ACO1: variants seen among roughly 807,000 people sequenced by gnomAD.
The protein encoded by ACO1 is cytoplasmic aconitate hydratase.
Under a neutral mutation model 105.1 loss-of-function variants are expected in ACO1, and 78 were observed. The observed-to-expected ratio is 0.74, with a 90% CI of 0.62 to 0.90. The LOEUF is 0.90. Ranked by LOEUF, ACO1 falls within the 40% of genes least tolerant of loss-of-function variation. The pLI is 0.00. For synonymous variants in ACO1, 364 were observed against 397.4 expected, an observed-to-expected ratio of 0.92 and a Z score of 1.00; for missense variants, 965 against 1,111.1, an observed-to-expected ratio of 0.87 and a Z score of 1.87.
At position 32,408,201 on chromosome 9, in the gene ACO1, C is replaced by A. The variant is rs1332701103; in HGVS notation, c.267-313C>A. Among the ~76,000 whole-genome samples the A allele has an allele frequency of 2.6e-5, 4 of 152,214 alleles. No homozygotes were observed. In the East Asian group the frequency reaches 7.7e-4, roughly 29 times the overall value. ...CCACCATGTGAATGGGAAGCACTCA[C>A]AGCAGTAAGAGTTCCAGAGTTGTTA... On this transcript the variant is annotated intron_variant, in intron 3 of 20. Coordinates refer to ENST00000309951, the MANE Select transcript of ACO1 (RefSeq NM_002197.3).
intron 17 of ACO1, among the ~76,000 whole-genome samples, chr9:32,435,370 C>T (rs183672244): frequency 1.5e-4 from 23 of 152,188 alleles, no homozygotes; most frequent in Admixed American, 1.4e-3. Flanking sequence ...GGCATGAACA[C>T]GTCAGAGAAT....
rs1822246166 is a variant in ACO1, at chr9:32,431,828, C to T, written c.1836C>T (p.Val612=). The change falls in exon 15 of 21, where the codon GTC becomes GTT. Residue 612 remains valine (V), a synonymous_variant. Coordinates refer to ENST00000309951, the MANE Select transcript of ACO1 (RefSeq NM_002197.3). ...QYVIPGMFKE[V]YQKIETVNES... ...TCATCCCGGGGATGTTTAAGGAAGT[C>T]TATCAGAAAATAGAGGTGAGGTCCC... is the stretch of plus-strand genomic sequence containing the variant. The T allele has an allele frequency of 6.2e-7, 1 of 1,614,044 alleles. No individual in the cohort carries two copies. The highest frequency in any genetic ancestry group is 8.5e-7 in the Non-Finnish European group (1 of 1,179,992).
At chr9:32,399,687 A>G (rs1413269496) in intron 1 of ACO1, among the ~76,000 whole-genome samples, 1 of 152,192 alleles carries the variant, frequency 6.6e-6, no homozygotes, top group East Asian at 1.9e-4. Flanking sequence ...TATCTGAAGG[A>G]TAGATTTTTA....
At chr9:32,420,807 G>A in intron 7 of ACO1, 49 bp from the exon 8 acceptor site, 5 of 1,588,112 alleles carry the variant, frequency 3.1e-6, no homozygotes, top group Non-Finnish European at 4.3e-6. Context: ...TCTGCATTTT[G>A]AATGTGGGCC....
chr9:32,433,844 TA>T lies in ACO1; in HGVS notation c.1956+13del, dbSNP rs764155893. On this transcript the variant is annotated intron_variant, in intron 16 of 20. Coordinates refer to ENST00000309951, the MANE Select transcript of ACO1 (RefSeq NM_002197.3). ...TCTTTGAAAACCTGGTATGGCTTTTTATTTTTTAACAAAATGAATTCTTTGA... is the reference window on the plus strand; with the variant it reads ...TCTTTGAAAACCTGGTATGGCTTTTTTTTTTTAACAAAATGAATTCTTTGA... 12 of 1,556,596 alleles carry T rather than the reference TA, an allele frequency of 7.7e-6. No homozygotes were observed. Among genetic ancestry groups the T allele is most frequent in the Middle Eastern group, 3.4e-4 (2 of 5,872 alleles).
At position 32,421,145 on chromosome 9, in the gene ACO1, T is replaced by C. The variant is rs1420385639; in HGVS notation, c.970+118T>C. 3.0e-5 allele frequency: 35 copies of C among 1,165,498 alleles called. 1 individual carries two copies. Among genetic ancestry groups the C allele is most frequent in the Non-Finnish European group, 3.9e-5 (32 of 830,828 alleles). The allele number at this position is 1,165,498 out of a possible 1,614,324, so 72.2% of individuals were successfully genotyped here. A position where few individuals can be genotyped will look rare whatever the true frequency, so the allele number is the denominator to read the frequency against. On this transcript the variant is annotated intron_variant, in intron 8 of 20. Coordinates refer to ENST00000309951, the MANE Select transcript of ACO1 (RefSeq NM_002197.3). ...AAGGCACTGGGTTACAGTTACACAA[T>C]TATTTTTTTCTCCATGGAGTCAAAA...
At chr9:32,388,974 A>G (rs374416354) in intron 1 of ACO1, among the ~76,000 whole-genome samples, 28 of 152,348 alleles carry the variant, frequency 1.8e-4, no homozygotes, top group East Asian at 9.6e-4. Flanking sequence ...ACTTGTATAT[A>G]TAATATTAGT....
At chr9:32,444,023 A>ATGGGTTCTCATTGTTCAACTCCCACTTAT (rs1822543177) in intron 19 of ACO1, among the ~76,000 whole-genome samples, 3 of 150,478 alleles carry the variant, frequency 2.0e-5, no homozygotes, top group African/African-American at 7.3e-5. Flanking sequence ...CCCTGTGTTC[A>ATGGGTTCTCATTGTTCAACTCCCACTTAT]TGGGTTCTCA....
At chr9:32,435,823 C>T (rs1468995216) in intron 17 of ACO1, among the ~76,000 whole-genome samples, 2 of 152,162 alleles carry the variant, frequency 1.3e-5, no homozygotes, top group African/African-American at 4.8e-5. Flanking sequence ...CTTTGTGGAA[C>T]GTATTTTGTG....
intron 8 of ACO1, 105 bp from the exon 9 acceptor site, chr9:32,423,203 TGTAAGTGCAGC>T: frequency 1.8e-6 from 1 of 567,382 alleles, no homozygotes; most frequent in East Asian, 3.4e-5. Context: ...TTGGTGTGTG[TGTAAGTGCAGC>T]GTATGTTGCG....
chr9:32,449,231 T>C (rs1822699748), intron 20 of ACO1, 150 bp downstream of exon 20: 6 of 682,440 alleles, frequency 8.8e-6, no homozygotes, highest in Non-Finnish European at 1.2e-5. Flanking sequence ...CTAGCATCTT[T>C]TCTACCTGCC....
intron 16 of ACO1, 74 bp downstream of exon 16, chr9:32,433,906 C>A: frequency 2.5e-6 from 3 of 1,202,892 alleles, no homozygotes; most frequent in East Asian, 2.4e-5. Flanking sequence ...CTTTATTACC[C>A]CATGCTCTTG....
rs773392518 is a variant in ACO1, at chr9:32,423,379, G to A, written c.1031G>A (p.Arg344Gln). 7.5e-6 allele frequency: 12 copies of A among 1,597,512 alleles called. No homozygotes were observed. Among genetic ancestry groups the A allele is most frequent in the South Asian group, 3.4e-5 (3 of 87,276 alleles). Reference protein sequence around the residue: ...KKYLQAVGMFRDFNDPSQDPD... With the variant: ...KKYLQAVGMFQDFNDPSQDPD... Reference sequence around the variant, plus strand: ...TATCTTCAGGCTGTAGGAATGTTTCGAGATTTCAATGACCCTTCTCAAGAC... The same window carrying A: ...TATCTTCAGGCTGTAGGAATGTTTCAAGATTTCAATGACCCTTCTCAAGAC... The change falls in exon 9 of 21, where the codon CGA becomes CAA. Residue 344 changes from arginine (R) to glutamine (Q), a missense_variant. Arg to Gln is a conservative substitution (Grantham distance 43). Coordinates refer to ENST00000309951, the MANE Select transcript of ACO1 (RefSeq NM_002197.3).
rs1822176985 is a variant in ACO1 at position 32,429,453 on chromosome 9, A to C, written c.1519A>C (p.Ile507Leu). The change falls in exon 13 of 21, where the codon ATT (isoleucine) becomes CTT (leucine). Residue 507 changes from isoleucine to leucine, a missense_variant. By Grantham distance (5) the Ile-to-Leu change is conservative (BLOSUM62 2). Transcript: ENST00000309951. ...GGTGGGCTATGGCTGCATGACCTGCATTGGCAACAGTGGGCCTTTACCTGA... is the reference window on the plus strand; with the variant it reads ...GGTGGGCTATGGCTGCATGACCTGCCTTGGCAACAGTGGGCCTTTACCTGA... ...DVVGYGCMTC[I>L]GNSGPLPEPV... 1.2e-6 allele frequency: 2 copies of C among 1,614,094 alleles called. No individual in the cohort carries two copies. The highest frequency in any genetic ancestry group is 2.7e-5 in the African/African-American group (2 of 74,926).
At chr9:32,430,874 G>A (rs1226377574) in intron 14 of ACO1, among the ~76,000 whole-genome samples, 4 of 152,106 alleles carry the variant, frequency 2.6e-5, no homozygotes, top group Admixed American at 1.3e-4. Context: ...GATAGGCATT[G>A]TTTCAATATA....
chr9:32,385,763 A>G (rs1821145373), intron 1 of ACO1, among the ~76,000 whole-genome samples: 1 of 152,224 alleles, frequency 6.6e-6, no homozygotes, highest in Non-Finnish European at 1.5e-5. Flanking sequence ...GTGTGAATGA[A>G]AAAAAGCAAG....
At chr9:32,434,048 A>G (rs1822299430) in intron 16 of ACO1, among the ~76,000 whole-genome samples, 1 of 152,128 alleles carries the variant, frequency 6.6e-6, no homozygotes, top group Non-Finnish European at 1.5e-5. Context: ...GTGGATGTAC[A>G]CAGCCACCCT....
Position 32,449,058 on chromosome 9 carries a change from C to A in ACO1, c.2533C>A (p.Pro845Thr). The part of the protein sequence containing the change: ...YTIIIPENLK[P>T]QMKVQVKLDT... Reference sequence around the variant, plus strand: ...TATCATTATTCCAGAAAACCTCAAACCACAAATGAAAGTCCAGGTCAAGGT... The same window carrying A: ...TATCATTATTCCAGAAAACCTCAAAACACAAATGAAAGTCCAGGTCAAGGT... The change falls in exon 20 of 21, where the codon CCA (proline) becomes ACA (threonine). Residue 845 changes from proline (P) to threonine (T), a missense_variant. Pro to Thr is a conservative substitution (Grantham distance 38). Coordinates refer to ENST00000309951, the MANE Select transcript of ACO1 (RefSeq NM_002197.3). 1 of 1,608,708 alleles carries A rather than the reference C, an allele frequency of 6.2e-7. No individual in the cohort carries two copies. The highest frequency in any genetic ancestry group is 8.5e-7 in the Non-Finnish European group (1 of 1,176,302).
chr9:32,402,032 T>C (rs1821506648), intron 1 of ACO1, among the ~76,000 whole-genome samples: 1 of 152,224 alleles, frequency 6.6e-6, no homozygotes, highest in African/African-American at 2.4e-5. Context: ...TTTTTATTCC[T>C]TTTGTTTAAG....
Sources: gnomAD v4.1 joint callset for allele counts (sites outside exome capture counted in the v4.1 genomes callset) on GRCh38, gnomAD v4.1.1 for gene constraint, MANE v1.5 for transcripts, NCBI Gene and HGNC (gene_info 2026-07-23, HGNC 2026-07-21) for gene names.